SYNM: variants seen among roughly 807,000 people sequenced by gnomAD.
SYNM encodes the protein synemin.
SYNM carries 95 observed loss-of-function variants against 104.0 expected under a neutral mutation model. The observed-to-expected ratio is 0.91, with a 90% CI of 0.77 to 1.08. SYNM has a LOEUF of 1.08. Ranked by LOEUF, SYNM falls within the 50% of genes least tolerant of loss-of-function variation. SYNM has a pLI of 0.00. For synonymous variants in SYNM, 918 were observed against 869.0 expected, an observed-to-expected ratio of 1.06 and a Z score of -0.99; for missense variants, 2,150 against 2,052.2, an observed-to-expected ratio of 1.05 and a Z score of -0.92.
In SYNM at chr15:99,132,134, C is replaced by A. The variant is rs1343789353; in HGVS notation, c.3774C>A (p.Thr1258=). 2.5e-6 allele frequency: 4 copies of A among 1,613,862 alleles called. No individual in the cohort carries two copies. Among genetic ancestry groups the A allele is most frequent in the Non-Finnish European group, 3.4e-6 (4 of 1,179,890 alleles). Residue 1258 remains threonine (T), a synonymous_variant, in exon 4 of 4, where the codon ACC becomes ACA. Coordinates refer to ENST00000336292, the MANE Select transcript of SYNM (RefSeq NM_145728.3). The stretch of plus-strand genomic sequence containing the variant: ...TTGCAACAGAAGAGTCAGTGGGTAC[C>A]CAGACTTCTGTCAGGCAACTCCAGT... ...DYFATEESVG[T]QTSVRQLQLG...
Position 99,131,168 on chromosome 15 carries a change from C to T in SYNM, c.2808C>T (p.Ser936=). Residue 936 remains serine, a synonymous_variant, in exon 4 of 4, where the codon TCC becomes TCT. Coordinates refer to ENST00000336292, the MANE Select transcript of SYNM (RefSeq NM_145728.3). This position sits in a 1 kb window ranked among gnomAD's most constrained non-coding sequence, Gnocchi z 4.3. ...AAATACCCCACGAATTCCACACCTCCATGAAGGGCATCTCCTCCAAGGAGC... is the reference window on the plus strand; with the variant it reads ...AAATACCCCACGAATTCCACACCTCTATGAAGGGCATCTCCTCCAAGGAGC... ...EIKIPHEFHT[S]MKGISSKEPR... is the part of the protein sequence containing the mutation. The T allele has an allele frequency of 1.9e-6, 3 of 1,605,484 alleles. No homozygotes were observed. The highest frequency in any genetic ancestry group is 4.5e-5 in the East Asian group (2 of 44,598).
At chr15:99,117,450 C>T (rs1480634706) in intron 2 of SYNM, among the ~76,000 whole-genome samples, 1 of 152,190 alleles carries the variant, frequency 6.6e-6, no homozygotes, top group African/African-American at 2.4e-5. Context: ...GTGGGAGTTA[C>T]CCCAAATCAG....
chr15:99,113,794 C>A, intron 2 of SYNM, 79 bp downstream of exon 2: 1 of 1,554,174 alleles, frequency 6.4e-7, no homozygotes, highest in Non-Finnish European at 8.7e-7. Context: ...GTCTAGGGAC[C>A]GTAGCCTTTG....
intron 2 of SYNM, among the ~76,000 whole-genome samples, chr15:99,122,749 G>A (rs1555484641): frequency 6.6e-6 from 1 of 152,154 alleles, no homozygotes; most frequent in Non-Finnish European, 1.5e-5. Context: ...TGAGGTGGGA[G>A]GATCACCTAA....
At chr15:99,138,490 T>C (rs911128691), downstream of SYNM, among the ~76,000 whole-genome samples, 2 of 152,144 alleles carry the variant, frequency 1.3e-5, no homozygotes, top group African/African-American at 2.4e-5. Context: ...ATTTTTGTAT[T>C]TTTAGTAGAG....
chr15:99,131,577 C>T lies in SYNM; in HGVS notation c.3217C>T (p.Leu1073=), dbSNP rs1555485926. Residue 1073 remains leucine, a synonymous_variant, in exon 4 of 4, where the codon CTG becomes TTG. Coordinates refer to ENST00000336292, the MANE Select transcript of SYNM (RefSeq NM_145728.3). The surrounding 1 kb of genome is among the most constrained non-coding windows in gnomAD (Gnocchi z 4.3). ...IRFRRWATRE[L]YIPSGESEVA... is the part of the protein sequence containing the mutation. The stretch of plus-strand genomic sequence containing the variant: ...CTTTAGGCGTTGGGCCACCCGGGAG[C>T]TGTACATCCCTTCAGGCGAGAGCGA... The T allele has an allele frequency of 8.7e-6, 14 of 1,609,562 alleles. No individual in the cohort carries two copies. The highest frequency in any genetic ancestry group is 3.3e-4 in the Middle Eastern group (2 of 6,062).
At position 99,106,001 on chromosome 15, in the gene SYNM, G is replaced by C. The variant is rs782711514; in HGVS notation, c.802G>C (p.Glu268Gln). Reference protein sequence around the residue: ...MREEYGIQAEERQRVIDCLED... With the variant: ...MREEYGIQAEQRQRVIDCLED... ...CGAGGAGTACGGGATACAGGCCGAG[G>C]AGCGGCAGGTCCGTGCGCGGGGATG... Residue 268 changes from glutamate (E) to glutamine (Q), a missense_variant, in exon 1 of 4, where the codon GAG becomes CAG. Coordinates refer to ENST00000336292, the MANE Select transcript of SYNM (RefSeq NM_145728.3). 17 of 1,471,776 alleles carry C rather than the reference G, an allele frequency of 1.2e-5. No homozygotes were observed. Among genetic ancestry groups the C allele is most frequent in the Non-Finnish European group, 1.8e-6 (2 of 1,116,680 alleles). The allele number at this position is 1,471,776 out of a possible 1,614,324, so 91.2% of individuals were successfully genotyped here. A position where few individuals can be genotyped will look rare whatever the true frequency, so the allele number is the denominator to read the frequency against.
rs1555485588 is a variant in SYNM, at chr15:99,130,366, C to T, written c.2006C>T (p.Thr669Ile). 6.2e-7 allele frequency: 1 copy of T among 1,613,578 alleles called. No individual in the cohort carries two copies. Among genetic ancestry groups the T allele is most frequent in the Non-Finnish European group, 8.5e-7 (1 of 1,179,768 alleles). ...GATTCTTTTCCAGACACAAAAGTCACTTACGTGGACAGGAAAGAGCTTCCT... is the reference window on the plus strand; with the variant it reads ...GATTCTTTTCCAGACACAAAAGTCATTTACGTGGACAGGAAAGAGCTTCCT... ...SADSFPDTKVTYVDRKELPGE... is the reference protein window; with the variant it reads ...SADSFPDTKVIYVDRKELPGE... The change falls in exon 4 of 4, where the codon ACT becomes ATT. Residue 669 changes from threonine to isoleucine, a missense_variant. Coordinates refer to ENST00000336292, the MANE Select transcript of SYNM (RefSeq NM_145728.3).
Position 99,132,744 on chromosome 15 carries a change from T to A in SYNM, c.4384T>A (p.Phe1462Ile). 1.2e-6 allele frequency: 2 copies of A among 1,613,806 alleles called. No individual in the cohort carries two copies. Among genetic ancestry groups the A allele is most frequent in the Non-Finnish European group, 1.7e-6 (2 of 1,179,878 alleles). ...AGGGCCCAAAGAAACTTCGTTTACC[T>A]TTCAGATGGATGTGAGTAACGTAGA... ...APGPKETSFT[F>I]QMDVSNVEAI... is the part of the protein sequence containing the mutation. Residue 1462 changes from phenylalanine to isoleucine, a missense_variant, in exon 4 of 4, where the codon TTT (phenylalanine) becomes ATT (isoleucine). Phe to Ile is a conservative substitution (Grantham distance 21, BLOSUM62 0). Coordinates refer to ENST00000336292, the MANE Select transcript of SYNM (RefSeq NM_145728.3).
At chr15:99,120,453 T>G (rs1298316727) in intron 2 of SYNM, among the ~76,000 whole-genome samples, 1 of 152,156 alleles carries the variant, frequency 6.6e-6, no homozygotes, top group Non-Finnish European at 1.5e-5. Context: ...AGTGTGGTAT[T>G]TATGACAGTG....
In SYNM at chr15:99,105,550, G is replaced by C. The variant is rs1239131667; in HGVS notation, c.351G>C (p.Gln117His). The stretch of plus-strand genomic sequence containing the variant: ...TGGACGCCGAGCTGGGTGCGCAGCA[G>C]CGCGAGCTGCAGGAGGCGCTGGGCG... ...GRLDAELGAQ[Q>H]RELQEALGAR... The change falls in exon 1 of 4, where the codon CAG (glutamine) becomes CAC (histidine). Residue 117 changes from glutamine (Q) to histidine (H), a missense_variant. Transcript: ENST00000336292. 8.3e-6 allele frequency: 10 copies of C among 1,206,130 alleles called. No individual in the cohort carries two copies. The Admixed American group carries it at 2.7e-4, about 33-fold the overall frequency. 74.7% of individuals were successfully genotyped at this position (1,206,130 alleles called of 1,614,324 possible).
chr15:99,112,306 C>G (rs764096028), intron 1 of SYNM, among the ~76,000 whole-genome samples: 4 of 152,154 alleles, frequency 2.6e-5, no homozygotes, highest in Non-Finnish European at 5.9e-5. Context: ...CCATTACAAA[C>G]CAGAAGTTAA....
chr15:99,131,122 C>T lies in SYNM; in HGVS notation c.2762C>T (p.Thr921Ile). 1.2e-6 allele frequency: 2 copies of T among 1,600,566 alleles called. No individual in the cohort carries two copies. The highest frequency in any genetic ancestry group is 1.3e-5 in the African/African-American group (1 of 74,768). The change falls in exon 4 of 4, where the codon ACA becomes ATA. Residue 921 changes from threonine (T) to isoleucine (I), a missense_variant. Physicochemically the swap from Thr to Ile is moderately conservative, Grantham distance 89. Transcript: ENST00000336292. The surrounding 1 kb of genome is among the most constrained non-coding windows in gnomAD (Gnocchi z 4.3). ...AGCGGTGAATTTCATGCCGAACCCA[C>T]AGTCATTGAAAAAGAAATTAAAATA... ...ARSGEFHAEP[T>I]VIEKEIKIPH...
In SYNM at chr15:99,105,789, AGACGGTGCAGCTGTACGAG is replaced by A; in HGVS notation, c.595_613del (p.Val199ArgfsTer68). On this transcript the variant is annotated frameshift_variant, in exon 1 of 4. Transcript: ENST00000336292. LOFTEE classifies it high-confidence loss of function. ...CTGCTGGTGGCCGAGTCGTGGCGGGAGACGGTGCAGCTGTACGAGGACGAGGTGCGCGAGCTGGAGGAGG... is the reference window on the plus strand; with the variant it reads ...CTGCTGGTGGCCGAGTCGTGGCGGGAGACGAGGTGCGCGAGCTGGAGGAGG... 6.5e-7 allele frequency: 1 copy of A among 1,539,078 alleles called. No homozygotes were observed. Among genetic ancestry groups the A allele is most frequent in the South Asian group, 1.2e-5 (1 of 83,348 alleles).
the SYNM span, chr15:99,140,720 A>C: frequency 6.6e-6 from 1 of 151,704 alleles, no homozygotes; most frequent in Non-Finnish European, 1.5e-5. Flanking sequence ...AGATCTAGAC[A>C]AAGCAAAAGT....
At position 99,130,367 on chromosome 15, in the gene SYNM, T is replaced by G. The variant is rs1555485590; in HGVS notation, c.2007T>G (p.Thr669=). 2 of 1,613,676 alleles carry G rather than the reference T, an allele frequency of 1.2e-6. No homozygotes were observed. The highest frequency in any genetic ancestry group is 1.7e-6 in the Non-Finnish European group (2 of 1,179,770). Residue 669 remains threonine, a synonymous_variant, in exon 4 of 4, where the codon ACT becomes ACG. Coordinates refer to ENST00000336292, the MANE Select transcript of SYNM (RefSeq NM_145728.3). ...SADSFPDTKV[T]YVDRKELPGE... ...ATTCTTTTCCAGACACAAAAGTCAC[T>G]TACGTGGACAGGAAAGAGCTTCCTG...
chr15:99,138,655 T>C (rs2067839191), downstream of SYNM, among the ~76,000 whole-genome samples: 1 of 152,216 alleles, frequency 6.6e-6, no homozygotes, highest in Admixed American at 6.5e-5. Context: ...CTCACTGAGC[T>C]GAGGCCCTCA....
rs553542385 is a variant in SYNM, at chr15:99,128,312, CCAGTCTG to C, written c.1007-1054_1007-1048del. ...TGCCCGCTAGCCGGTGGACCTAAACCCAGTCTGTAATCTTCCATGTTTCTTGTTGAAT... is the reference window on the plus strand; with the variant it reads ...TGCCCGCTAGCCGGTGGACCTAAACCTAATCTTCCATGTTTCTTGTTGAAT... On this transcript the variant is annotated intron_variant, in intron 3 of 3. Transcript: ENST00000336292. Among the ~76,000 whole-genome samples, 455 of 152,256 alleles carry C rather than the reference CCAGTCTG, an allele frequency of 3.0e-3. 2 individuals carry two copies. Among genetic ancestry groups the C allele is most frequent in the African/African-American group, 9.6e-3 (399 of 41,538 alleles).
In SYNM at chr15:99,132,629, G is replaced by C; in HGVS notation, c.4269G>C (p.Val1423=). ...TSEHIAIRGP[V]SRTFVLAGSA... ...AACACATTGCCATCCGTGGACCCGT[G>C]TCCAGAACATTTGTGCTTGCTGGTT... The change falls in exon 4 of 4, where the codon GTG becomes GTC. Residue 1423 remains valine (V), a synonymous_variant. Transcript: ENST00000336292. 1 of 1,614,012 alleles carries C rather than the reference G, an allele frequency of 6.2e-7. No homozygotes were observed. The highest frequency in any genetic ancestry group is 1.1e-5 in the South Asian group (1 of 91,076).
Sources: gnomAD v4.1 joint callset for allele counts (sites outside exome capture counted in the v4.1 genomes callset) on GRCh38, gnomAD v4.1.1 for gene constraint, Gnocchi (gnomAD v3.1) non-coding constraint, MANE v1.5 for transcripts, NCBI Gene and HGNC (gene_info 2026-07-23, HGNC 2026-07-21) for gene names.